Variants in CPEB4 observed in about 807,000 individuals in gnomAD.
CPEB4 encodes cytoplasmic polyadenylation element binding protein 4.
CPEB4 carries 12 observed loss-of-function variants against 72.5 expected under a neutral mutation model. The ratio of observed to expected loss-of-function variants is 0.17; its 90% CI spans 0.11 to 0.27. The LOEUF (loss-of-function observed/expected upper bound fraction) is 0.27. Among genes scored for constraint, CPEB4 ranks in the 10% least tolerant of loss-of-function variants. CPEB4 has a pLI of 1.00. For missense variants in CPEB4, 614 were observed against 908.5 expected (o/e 0.68, Z 4.17); for synonymous variants, 302 against 326.3 (o/e 0.93, Z 0.80).
Position 173,889,668 on chromosome 5 carries a change from A to C in CPEB4, c.-66A>C. On this transcript the variant is annotated 5_prime_UTR_variant, in exon 1 of 10. Coordinates refer to ENST00000265085, the MANE Select transcript of CPEB4 (RefSeq NM_030627.4). ...AAACAACTTAAATTTGGGGTAGAGG[A>C]AAAAAAAGGCGTGAGACATCAGGTT... is the stretch of plus-strand genomic sequence containing the variant. The C allele has an allele frequency of 7.4e-7, 1 of 1,354,392 alleles. No individual in the cohort carries two copies. 83.9% of individuals were successfully genotyped at this position (1,354,392 alleles called of 1,614,324 possible).
intron 7 of CPEB4, among the ~76,000 whole-genome samples, chr5:173,951,163 C>T (rs1432897459): frequency 6.6e-6 from 1 of 152,144 alleles, no homozygotes; most frequent in Admixed American, 6.5e-5. Context: ...TGACCTAGGA[C>T]TCTGTTGGTG....
At chr5:173,940,801 T>C (rs1253484417) in intron 3 of CPEB4, among the ~76,000 whole-genome samples, 1 of 152,204 alleles carries the variant, frequency 6.6e-6, no homozygotes, top group African/African-American at 2.4e-5. Flanking sequence ...ATTGGGCAAC[T>C]TTTATAGTTG....
chr5:173,941,710 CA>C (rs572640365), intron 3 of CPEB4, among the ~76,000 whole-genome samples: 1,619 of 145,816 alleles, frequency 0.011, 9 homozygotes, highest in African/African-American at 0.016. Flanking sequence ...CCATCTCTGC[CA>C]AAAAAAAAAT....
chr5:173,909,527 C>T (rs530805052), intron 1 of CPEB4, among the ~76,000 whole-genome samples: 7 of 20,034 alleles, frequency 3.5e-4, no homozygotes, highest in East Asian at 0.013. Context: ...GGAGAGTCTA[C>T]GAAATTTTTT....
chr5:173,904,963 C>A (rs1756374234), intron 1 of CPEB4, among the ~76,000 whole-genome samples: 1 of 134,396 alleles, frequency 7.4e-6, no homozygotes, highest in African/African-American at 2.8e-5. Context: ...AGAGTGAGAC[C>A]CTGTCTCAGA....
At chr5:173,922,859 C>A (rs185052847) in intron 2 of CPEB4, among the ~76,000 whole-genome samples, 20 of 152,356 alleles carry the variant, frequency 1.3e-4, no homozygotes, top group Middle Eastern at 3.4e-3. Flanking sequence ...CAGGCATCTA[C>A]TGTGCACCAG....
At chr5:173,948,239 A>G (rs1159833438) in intron 5 of CPEB4, among the ~76,000 whole-genome samples, 3 of 152,248 alleles carry the variant, frequency 2.0e-5, no homozygotes, top group African/African-American at 4.8e-5. Flanking sequence ...TAGTTAATAC[A>G]TGCAGGAGTC....
chr5:173,898,259 A>G (rs554183943), intron 1 of CPEB4, among the ~76,000 whole-genome samples: 1 of 152,314 alleles, frequency 6.6e-6, no homozygotes, highest in African/African-American at 2.4e-5. Context: ...GCATCTAGTC[A>G]ATAGGATCAT....
intron 1 of CPEB4, 86 bp from the exon 2 acceptor site, chr5:173,910,437 C>T (rs919182421): frequency 3.2e-5 from 28 of 874,740 alleles, no homozygotes; most frequent in Non-Finnish European, 5.1e-5. Context: ...ACTTTGTGAT[C>T]TGTGTCCCAT....
chr5:173,953,424 G>A lies in CPEB4; in HGVS notation c.1962+152G>A, dbSNP rs954320544. The stretch of plus-strand genomic sequence containing the variant: ...TATGGTCTATAATACATGAAATAAT[G>A]TCCTATGAATTTCTTTTATCTTTCA... On this transcript the variant is annotated intron_variant, in intron 9 of 9. Transcript: ENST00000265085. 24 of 478,400 alleles carry A rather than the reference G, an allele frequency of 5.0e-5. No homozygotes were observed. In the South Asian group the frequency reaches 1.5e-3, roughly 30 times the overall value. 29.6% of individuals were successfully genotyped at this position (478,400 alleles called of 1,614,324 possible).
Position 173,927,819 on chromosome 5 carries a change from A to T in CPEB4, c.1208-4631A>T, listed in dbSNP as rs1366259728. ...TTTGAAAAAATCCTTGAGAAAACTT[A>T]TGCCTACGCAAAAGCCTGCGTGCAC... On this transcript the variant is annotated intron_variant, in intron 2 of 9. Transcript: ENST00000265085. 2.6e-5 allele frequency among the ~76,000 whole-genome samples: 4 copies of T among 152,178 alleles called. No individual in the cohort carries two copies. The East Asian group carries it at 7.7e-4, about 29-fold the overall frequency.
rs966505168 is a variant in CPEB4, at chr5:173,890,591, C to T, written c.858C>T (p.Ser286=). The T allele has an allele frequency of 1.9e-6, 3 of 1,614,008 alleles. No homozygotes were observed. In the African/African-American group the frequency reaches 4.0e-5, roughly 22 times the overall value. ...TTAACAAACCCCCCTCTCCGTGGAG[C>T]AGCTACCAGAGTCCGTCACCAACAC... The part of the protein sequence containing the change: ...NNLNKPPSPW[S]SYQSPSPTPS... Residue 286 remains serine, a synonymous_variant, in exon 1 of 10, where the codon AGC becomes AGT. Coordinates refer to ENST00000265085, the MANE Select transcript of CPEB4 (RefSeq NM_030627.4).
intron 3 of CPEB4, among the ~76,000 whole-genome samples, chr5:173,934,712 C>T (rs1757560506): frequency 6.6e-6 from 1 of 152,202 alleles, no homozygotes; most frequent in South Asian, 2.1e-4. Context: ...GAGGTGACTA[C>T]TCGACCGACC....
At position 173,937,752 on chromosome 5, in the gene CPEB4, A is replaced by G. The variant is rs545989070; in HGVS notation, c.1258+5252A>G. On this transcript the variant is annotated intron_variant, in intron 3 of 9. Transcript: ENST00000265085. Reference sequence around the variant, plus strand: ...ATTCTCTCATTTGCTTCCCATTTTTATAAATAAAGAAACTGAGGGTTAGGG... The same window carrying G: ...ATTCTCTCATTTGCTTCCCATTTTTGTAAATAAAGAAACTGAGGGTTAGGG... Among the ~76,000 whole-genome samples the G allele has an allele frequency of 2.6e-4, 40 of 151,328 alleles. No homozygotes were observed. In the South Asian group the frequency reaches 8.3e-3, roughly 31 times the overall value.
chr5:173,940,352 C>T (rs1032182694), intron 3 of CPEB4, among the ~76,000 whole-genome samples: 4 of 152,302 alleles, frequency 2.6e-5, no homozygotes, highest in African/African-American at 9.6e-5. Flanking sequence ...TTTTAACTTA[C>T]ACTTCCTCGG....
intron 5 of CPEB4, among the ~76,000 whole-genome samples, chr5:173,946,956 T>C: frequency 6.6e-6 from 1 of 151,932 alleles, no homozygotes; most frequent in Non-Finnish European, 1.5e-5. Context: ...TGTTAACCTT[T>C]TTCCCCCCCA....
intron 3 of CPEB4, among the ~76,000 whole-genome samples, chr5:173,932,760 C>T (rs1757492358): frequency 6.6e-6 from 1 of 152,158 alleles, no homozygotes; most frequent in Admixed American, 6.6e-5. Context: ...TAAAGATTGG[C>T]TTTATCTAAT....
chr5:173,944,942 G>GT (rs751445337), intron 4 of CPEB4, 25 bp from the exon 5 acceptor site: 14 of 1,582,388 alleles, frequency 8.8e-6, no homozygotes, highest in Non-Finnish European at 1.0e-5. Context: ...TTCTGTTACC[G>GT]TTTTTTCCCT....
intron 1 of CPEB4, among the ~76,000 whole-genome samples, chr5:173,910,232 A>G (rs1031264230): frequency 2.0e-5 from 3 of 152,078 alleles, no homozygotes; most frequent in Non-Finnish European, 4.4e-5. Flanking sequence ...CACTTATGTA[A>G]TGTTCTTAAC....
Sources: allele counts gnomAD v4.1 joint callset (sites outside exome capture counted in the v4.1 genomes callset), GRCh38; gene constraint gnomAD v4.1.1; transcripts MANE v1.5; gene names NCBI Gene and HGNC (gene_info 2026-07-23, HGNC 2026-07-21).